TSPAN3: variants seen among roughly 807,000 people sequenced by gnomAD.
The protein encoded by TSPAN3 is tetraspanin-3.
In TSPAN3, 9 loss-of-function variants were observed where a neutral mutation model predicts 31.1. The ratio of observed to expected loss-of-function variants is 0.29; its 90% CI spans 0.17 to 0.50. The LOEUF (loss-of-function observed/expected upper bound fraction) is 0.50, where lower values mean the gene tolerates loss of function less well. TSPAN3 is among the 20% of genes least tolerant of loss of function. TSPAN3 has a pLI of 0.98. For missense variants in TSPAN3, 252 were observed against 313.5 expected (o/e 0.80, Z 1.48); for synonymous variants, 129 against 114.3 (o/e 1.13, Z -0.82).
At chr15:77,053,947 G>A (rs1031823071) in intron 4 of TSPAN3, among the ~76,000 whole-genome samples, 1 of 152,096 alleles carries the variant, frequency 6.6e-6, no homozygotes, top group Non-Finnish European at 1.5e-5. Context: ...AGTACAGACT[G>A]GGGTCAGGGA....
chr15:77,047,042 A>G, intron 6 of TSPAN3, 115 bp from the exon 7 acceptor site: 1 of 733,502 alleles, frequency 1.4e-6, no homozygotes, highest in Admixed American at 2.6e-5. Flanking sequence ...AAATCATCAA[A>G]AAGGCAGTAA....
In TSPAN3 at chr15:77,046,605, T is replaced by C. The variant is rs1282509327; in HGVS notation, c.*230A>G. 9 of 543,126 alleles carry C rather than the reference T, an allele frequency of 1.7e-5. No individual in the cohort carries two copies. Among genetic ancestry groups the C allele is most frequent in the Non-Finnish European group, 2.3e-5 (7 of 307,964 alleles). 33.6% of individuals were successfully genotyped at this position (543,126 alleles called of 1,614,324 possible). A position where few individuals can be genotyped will look rare whatever the true frequency, so the allele number is the denominator to read the frequency against. ...GCAATTGGTTCTGAAATTAGAACGT[T>C]CACCATCGTACTTAAAATCTTAGGG... is the stretch of plus-strand genomic sequence containing the variant. On this transcript the variant is annotated 3_prime_UTR_variant, in exon 7 of 7. Coordinates refer to ENST00000267970, the MANE Select transcript of TSPAN3 (RefSeq NM_005724.6).
Position 77,056,085 on chromosome 15 carries a change from T to C in TSPAN3, c.234A>G (p.Glu78=), listed in dbSNP as rs1568542082. ...GLIGCCATIR[E]SRCGLATFVI... ...TTACCGTGGCAAGTCCACAGCGACT[T>C]TCCCGGATTGTGGCACAGCAGCCAA... Residue 78 remains glutamate (E), a synonymous_variant, in exon 2 of 7, where the codon GAA becomes GAG. Transcript: ENST00000267970. 1.2e-6 allele frequency: 2 copies of C among 1,610,352 alleles called. No individual in the cohort carries two copies. Among genetic ancestry groups the C allele is most frequent in the Non-Finnish European group, 1.7e-6 (2 of 1,178,660 alleles).
At chr15:77,050,132 T>C (rs1033309287) in intron 6 of TSPAN3, among the ~76,000 whole-genome samples, 1 of 152,234 alleles carries the variant, frequency 6.6e-6, no homozygotes. Flanking sequence ...CACTGATCTT[T>C]CAGTTATTTC....
intron 1 of TSPAN3, among the ~76,000 whole-genome samples, chr15:77,069,570 A>C (rs945295343): frequency 6.6e-6 from 1 of 152,178 alleles, no homozygotes; most frequent in Admixed American, 6.6e-5. Flanking sequence ...AACAGCTACT[A>C]CCTCCCAGTT....
chr15:77,054,992 T>C (rs760435388), intron 3 of TSPAN3: 2 of 152,194 alleles, frequency 1.3e-5, no homozygotes, highest in Non-Finnish European at 2.9e-5. Context: ...GTCCATAAAA[T>C]TGATAACCAG....
In TSPAN3 at chr15:77,041,944, T is replaced by C. The variant is rs985263166; in HGVS notation, c.*4891A>G. 2 of 152,224 alleles carry C rather than the reference T, an allele frequency of 1.3e-5. No individual in the cohort carries two copies. Among genetic ancestry groups the C allele is most frequent in the African/African-American group, 4.8e-5 (2 of 41,460 alleles). 9.4% of individuals were successfully genotyped at this position (152,224 alleles called of 1,614,324 possible). On this transcript the variant is annotated 3_prime_UTR_variant, in exon 7 of 7. Coordinates refer to ENST00000267970, the MANE Select transcript of TSPAN3 (RefSeq NM_005724.6). ...GCAGTGTGTGTATAGAGATGATCACTGTGGCGAGTAGTGGAGGCACTGGAG... is the reference window on the plus strand; with the variant it reads ...GCAGTGTGTGTATAGAGATGATCACCGTGGCGAGTAGTGGAGGCACTGGAG...
Position 77,061,137 on chromosome 15 carries a change from T to G in TSPAN3, c.64-4882A>C, listed in dbSNP as rs952111907. Among the ~76,000 whole-genome samples, 4 of 152,232 alleles carry G rather than the reference T, an allele frequency of 2.6e-5. No homozygotes were observed. The East Asian group carries it at 7.7e-4, about 29-fold the overall frequency. On this transcript the variant is annotated intron_variant, in intron 1 of 6. Transcript: ENST00000267970. ...ACAAATGTGAAATATCTTAAAGAGA[T>G]TTCATTCTTATATGAGATTGCTTTT...
Position 77,046,754 on chromosome 15 carries a change from CCA to C in TSPAN3, c.*79_*80del. On this transcript the variant is annotated 3_prime_UTR_variant, in exon 7 of 7. Transcript: ENST00000267970. ...TACATGTGCTTTAACTAAATGAACT[CCA>C]GAGGCCAACAGCAGCAGACCTGCTC... 9.1e-7 allele frequency: 1 copy of C among 1,098,240 alleles called. No individual in the cohort carries two copies. The highest frequency in any genetic ancestry group is 1.3e-6 in the Non-Finnish European group (1 of 741,964). 68.0% of individuals were successfully genotyped at this position (1,098,240 alleles called of 1,614,324 possible).
At chr15:77,055,934 A>T in intron 2 of TSPAN3, 71 bp from the exon 3 acceptor site, 2 of 1,538,382 alleles carry the variant, frequency 1.3e-6, no homozygotes, top group Non-Finnish European at 8.8e-7. Flanking sequence ...TGATTTAAAA[A>T]AAGTTATCAG....
chr15:77,046,778 G>T lies in TSPAN3; in HGVS notation c.*57C>A. The T allele has an allele frequency of 7.5e-7, 1 of 1,336,132 alleles. No homozygotes were observed. The highest frequency in any genetic ancestry group is 1.5e-5 in the African/African-American group (1 of 68,938). The allele number at this position is 1,336,132 out of a possible 1,614,324, so 82.8% of individuals were successfully genotyped here. On this transcript the variant is annotated 3_prime_UTR_variant, in exon 7 of 7. Coordinates refer to ENST00000267970, the MANE Select transcript of TSPAN3 (RefSeq NM_005724.6). ...TCCAGAGGCCAACAGCAGCAGACCT[G>T]CTCAATTCACCTTCCAAATCAGAAC...
chr15:77,059,121 C>G (rs903245189), intron 1 of TSPAN3, among the ~76,000 whole-genome samples: 1 of 152,134 alleles, frequency 6.6e-6, no homozygotes, highest in South Asian at 2.1e-4. Context: ...CTCACTCAGT[C>G]GCCCAGGCTG....
Position 77,045,424 on chromosome 15 carries a change from C to T in TSPAN3, c.*1411G>A, listed in dbSNP as rs1345488991. ...TCAGCACGGCCGGCTTGCATCACCA[C>T]CTTCTTCTCAGTTCACCTTCCAAAT... is the stretch of plus-strand genomic sequence containing the variant. On this transcript the variant is annotated 3_prime_UTR_variant, in exon 7 of 7. Coordinates refer to ENST00000267970, the MANE Select transcript of TSPAN3 (RefSeq NM_005724.6). 6.6e-6 allele frequency: 1 copy of T among 152,526 alleles called. No homozygotes were observed. The highest frequency in any genetic ancestry group is 1.9e-4 in the East Asian group (1 of 5,186). The allele number at this position is 152,526 out of a possible 1,614,324, so 9.4% of individuals were successfully genotyped here. A position where few individuals can be genotyped will look rare whatever the true frequency, so the allele number is the denominator to read the frequency against.
intron 1 of TSPAN3, among the ~76,000 whole-genome samples, chr15:77,058,786 T>G (rs1477075114): frequency 2.0e-5 from 3 of 152,242 alleles, no homozygotes; most frequent in Non-Finnish European, 2.9e-5. Context: ...GTATTTGTAT[T>G]TGGTTTGTAT....
Position 77,070,977 on chromosome 15 carries a change from C to T in TSPAN3, c.-23G>A. 1 of 1,419,330 alleles carries T rather than the reference C, an allele frequency of 7.0e-7. No individual in the cohort carries two copies. Among genetic ancestry groups the T allele is most frequent in the Non-Finnish European group, 9.3e-7 (1 of 1,078,822 alleles). The allele number at this position is 1,419,330 out of a possible 1,614,324, so 87.9% of individuals were successfully genotyped here. On this transcript the variant is annotated 5_prime_UTR_variant, in exon 1 of 7. Coordinates refer to ENST00000267970, the MANE Select transcript of TSPAN3 (RefSeq NM_005724.6). ...CATGGCGCCGGTGGCCCGCGAAGGC[C>T]CGGCCCGGAGAGCGGGGCTGCGCTC...
In TSPAN3 at chr15:77,071,032, T is replaced by C; in HGVS notation, c.-78A>G. 7 of 1,100,566 alleles carry C rather than the reference T, an allele frequency of 6.4e-6. No individual in the cohort carries two copies. Among genetic ancestry groups the C allele is most frequent in the Non-Finnish European group, 8.3e-6 (7 of 842,972 alleles). The allele number at this position is 1,100,566 out of a possible 1,614,324, so 68.2% of individuals were successfully genotyped here. On this transcript the variant is annotated 5_prime_UTR_variant, in exon 1 of 7. Coordinates refer to ENST00000267970, the MANE Select transcript of TSPAN3 (RefSeq NM_005724.6). ...AGAGAGCGGCAATGGCGGCGGCGCC[T>C]CCTCGCTAGGAACTGCACGGCCTGC...
intron 1 of TSPAN3, chr15:77,064,297 C>T (rs1350930547): frequency 6.6e-6 from 1 of 152,158 alleles, no homozygotes; most frequent in African/African-American, 2.4e-5. Context: ...CATTAGCTGT[C>T]AGACTACAGG....
At position 77,071,010 on chromosome 15, in the gene TSPAN3, G is replaced by C. The variant is rs1017210413; in HGVS notation, c.-56C>G. 6 of 1,281,908 alleles carry C rather than the reference G, an allele frequency of 4.7e-6. No homozygotes were observed. The Admixed American group carries it at 1.6e-4, about 34-fold the overall frequency. The allele number at this position is 1,281,908 out of a possible 1,614,324, so 79.4% of individuals were successfully genotyped here. A position where few individuals can be genotyped will look rare whatever the true frequency, so the allele number is the denominator to read the frequency against. Reference sequence around the variant, plus strand: ...GAGAGCGGGGCTGCGCTCACCGAGAGAGCGGCAATGGCGGCGGCGCCTCCT... The same window carrying C: ...GAGAGCGGGGCTGCGCTCACCGAGACAGCGGCAATGGCGGCGGCGCCTCCT... On this transcript the variant is annotated 5_prime_UTR_variant, in exon 1 of 7. Coordinates refer to ENST00000267970, the MANE Select transcript of TSPAN3 (RefSeq NM_005724.6).
intron 1 of TSPAN3, among the ~76,000 whole-genome samples, chr15:77,070,584 G>T (rs112279626): frequency 2.7e-5 from 4 of 150,820 alleles, no homozygotes; most frequent in Admixed American, 6.6e-5. Flanking sequence ...GGCGACTCCG[G>T]GGGGGGGAGA....
Sources: allele counts gnomAD v4.1 joint callset (sites outside exome capture counted in the v4.1 genomes callset), GRCh38; gene constraint gnomAD v4.1.1; transcripts MANE v1.5; gene names NCBI Gene and HGNC (gene_info 2026-07-23, HGNC 2026-07-21).